Variants in ACSS3 observed in about 807,000 individuals in gnomAD.
The protein encoded by ACSS3 is acyl-CoA synthetase short-chain family member 3, mitochondrial.
ACSS3 carries 64 observed loss-of-function variants against 84.2 expected under a neutral mutation model. The observed-to-expected ratio is 0.76, with a 90% confidence interval of 0.62 to 0.94. The LOEUF (loss-of-function observed/expected upper bound fraction) is 0.94. Among genes scored for constraint, ACSS3 ranks in the 40% least tolerant of loss-of-function variants. ACSS3 has a pLI of 0.00. For synonymous variants in ACSS3, 317 were observed against 310.1 expected (o/e 1.02, Z -0.23); for missense variants, 815 against 867.6 (o/e 0.94, Z 0.76).
intron 11 of ACSS3, among the ~76,000 whole-genome samples, chr12:81,221,299 C>CT (rs1358782541): frequency 6.6e-6 from 1 of 151,932 alleles, no homozygotes; most frequent in Non-Finnish European, 1.5e-5. Flanking sequence ...CCAGATTGAG[C>CT]TACTATAAAT....
chr12:81,213,729 TCCGCTC>T (rs2032726578), intron 9 of ACSS3, among the ~76,000 whole-genome samples: 1 of 104,858 alleles, frequency 9.5e-6, no homozygotes, highest in African/African-American at 3.7e-5. Context: ...TCCGCTCCCC[TCCGCTC>T]CCCTCCGCTC....
intron 4 of ACSS3, 53 bp downstream of exon 4, chr12:81,139,318 GT>G: frequency 6.3e-7 from 1 of 1,585,790 alleles, no homozygotes; most frequent in Non-Finnish European, 8.6e-7. Context: ...CTAAGAATGA[GT>G]TTAGTTTTTA....
chr12:81,148,009 A>AATAT (rs35810499), intron 5 of ACSS3, among the ~76,000 whole-genome samples: 5 of 150,904 alleles, frequency 3.3e-5, no homozygotes, highest in African/African-American at 1.2e-4. Context: ...TACATATGTA[A>AATAT]ATATATATAT....
intron 8 of ACSS3, among the ~76,000 whole-genome samples, chr12:81,183,447 G>A (rs1018390809): frequency 1.6e-4 from 24 of 152,096 alleles, no homozygotes; most frequent in Middle Eastern, 3.2e-3. Context: ...TAAAATGGCA[G>A]TAGTAAGTTC....
chr12:81,124,784 T>C (rs1884934015), intron 2 of ACSS3, among the ~76,000 whole-genome samples: 1 of 152,164 alleles, frequency 6.6e-6, no homozygotes, highest in Non-Finnish European at 1.5e-5. Flanking sequence ...ACACCCATTG[T>C]TTTCTCTTTC....
chr12:81,252,690 CT>C (rs1565746292), intron 13 of ACSS3, among the ~76,000 whole-genome samples: 1 of 151,952 alleles, frequency 6.6e-6, no homozygotes, highest in East Asian at 1.9e-4. Context: ...TAGATACCAG[CT>C]TTGTGAACTT....
intron 2 of ACSS3, among the ~76,000 whole-genome samples, chr12:81,113,097 A>G (rs1267445224): frequency 6.6e-6 from 1 of 152,194 alleles, no homozygotes; most frequent in Non-Finnish European, 1.5e-5. Context: ...GGAATAAGAA[A>G]TACAAAGTAA....
rs1410695753 is a variant in ACSS3 at position 81,139,288 on chromosome 12, T to C, written c.780+23T>C. ...ATGGTAATCTGAATATTGAATTTGGTTCTTGCTTATGGTAATATGCTAAGA... is the reference window on the plus strand; with the variant it reads ...ATGGTAATCTGAATATTGAATTTGGCTCTTGCTTATGGTAATATGCTAAGA... On this transcript the variant is annotated intron_variant, in intron 4 of 15. Transcript: ENST00000548058. 1.9e-6 allele frequency: 3 copies of C among 1,611,360 alleles called. No individual in the cohort carries two copies. In the African/African-American group the frequency reaches 4.0e-5, roughly 22 times the overall value.
chr12:81,190,387 G>A (rs965520162), intron 8 of ACSS3, among the ~76,000 whole-genome samples: 6 of 151,922 alleles, frequency 3.9e-5, no homozygotes, highest in Non-Finnish European at 8.8e-5. Context: ...TTATGCTATG[G>A]TCAATGGTAT....
At chr12:81,200,096 T>A (rs1007252657) in intron 9 of ACSS3, among the ~76,000 whole-genome samples, 1 of 152,206 alleles carries the variant, frequency 6.6e-6, no homozygotes, top group Admixed American at 6.6e-5. Flanking sequence ...GGAAACAAAT[T>A]TTCATATTAA....
intron 2 of ACSS3, among the ~76,000 whole-genome samples, chr12:81,133,097 G>A (rs999426956): frequency 7.3e-6 from 1 of 136,314 alleles, no homozygotes; most frequent in African/African-American, 2.7e-5. Context: ...ATATAAAGTA[G>A]AATAAAACAC....
chr12:81,258,023 T>G lies in ACSS3; in HGVS notation c.*3101T>G, dbSNP rs769053126. ...TCGTAGTTCCTATATTCTATTTCATTTCTATGAATCAAGATGCCCATGTTT... is the reference window on the plus strand; with the variant it reads ...TCGTAGTTCCTATATTCTATTTCATGTCTATGAATCAAGATGCCCATGTTT... On this transcript the variant is annotated 3_prime_UTR_variant, in exon 16 of 16. Transcript: ENST00000548058. 1.3e-5 allele frequency: 2 copies of G among 152,128 alleles called. No homozygotes were observed. The highest frequency in any genetic ancestry group is 2.9e-5 in the Non-Finnish European group (2 of 68,006). The allele number at this position is 152,128 out of a possible 1,614,324, so 9.4% of individuals were successfully genotyped here. A position where few individuals can be genotyped will look rare whatever the true frequency, so the allele number is the denominator to read the frequency against.
intron 13 of ACSS3, among the ~76,000 whole-genome samples, chr12:81,239,423 G>A (rs972253934): frequency 6.6e-6 from 1 of 151,880 alleles, no homozygotes; most frequent in Non-Finnish European, 1.5e-5. Context: ...ATAAATGAAG[G>A]TGTATTAGTC....
chr12:81,082,530 C>T (rs1214773380), intron 1 of ACSS3, among the ~76,000 whole-genome samples: 1 of 151,978 alleles, frequency 6.6e-6, no homozygotes, highest in Non-Finnish European at 1.5e-5. Context: ...ATGCAAAGGC[C>T]ATGAGGTAGA....
At chr12:81,126,974 T>C (rs1885143335) in intron 2 of ACSS3, among the ~76,000 whole-genome samples, 1 of 151,810 alleles carries the variant, frequency 6.6e-6, no homozygotes, top group East Asian at 1.9e-4. Flanking sequence ...GTAATTGTTC[T>C]TGAAAAATTT....
chr12:81,177,953 C>T (rs1291006008), intron 8 of ACSS3, among the ~76,000 whole-genome samples: 1 of 152,158 alleles, frequency 6.6e-6, no homozygotes, highest in African/African-American at 2.4e-5. Flanking sequence ...ACCCAGCCAT[C>T]CCATTACTGG....
At chr12:81,103,123 T>C (rs751772394) in intron 1 of ACSS3, among the ~76,000 whole-genome samples, 2 of 152,162 alleles carry the variant, frequency 1.3e-5, no homozygotes, top group Non-Finnish European at 2.9e-5. Flanking sequence ...ATTTTATTAT[T>C]GAATAGCCAT....
intron 9 of ACSS3, among the ~76,000 whole-genome samples, chr12:81,207,151 C>T (rs1236258611): frequency 1.3e-5 from 2 of 152,006 alleles, no homozygotes; most frequent in African/African-American, 4.8e-5. Context: ...ACGTATAAAC[C>T]ATGTTAGAAA....
At position 81,233,940 on chromosome 12, in the gene ACSS3, T is replaced by C. The variant is rs77610447; in HGVS notation, c.1719+469T>C. 3.4e-4 allele frequency among the ~76,000 whole-genome samples: 51 copies of C among 151,778 alleles called. No homozygotes were observed. In the East Asian group the frequency reaches 9.9e-3, roughly 30 times the overall value. On this transcript the variant is annotated intron_variant, in intron 13 of 15. Transcript: ENST00000548058. ...AAACTTATTCCTATGGAGTAAAATC[T>C]ACATTATTGTTATACAATACTATGA...
Sources: gnomAD v4.1 joint callset for allele counts (sites outside exome capture counted in the v4.1 genomes callset) on GRCh38, gnomAD v4.1.1 for gene constraint, MANE v1.5 for transcripts, NCBI Gene and HGNC (gene_info 2026-07-23, HGNC 2026-07-21) for gene names.